Variants in PPP1R3B observed in about 807,000 individuals in gnomAD.
PPP1R3B encodes the protein protein phosphatase 1 regulatory subunit 3B.
In PPP1R3B, 8 loss-of-function variants were observed where a neutral mutation model predicts 14.6. That is an observed-to-expected ratio of 0.55 (90% CI 0.32 to 0.99). The LOEUF is 0.99. Ranked by LOEUF, PPP1R3B falls within the 50% of genes least tolerant of loss-of-function variation. PPP1R3B has a pLI of 0.04. For synonymous variants in PPP1R3B, 169 were observed against 142.0 expected (o/e 1.19, Z -1.35); for missense variants, 452 against 360.1 (o/e 1.26, Z -2.07).
rs141460324 is a variant in PPP1R3B at position 9,141,175 on chromosome 8, G to A, written c.477C>T (p.Thr159=). Residue 159 remains threonine, a synonymous_variant, in exon 2 of 2, where the codon ACC becomes ACT. Transcript: ENST00000310455. ...TGTCGAACGTCATCCTTATTTTCACGGTCTTCTCAAATGCGAGGTTCTGAA... is the reference window on the plus strand; with the variant it reads ...TGTCGAACGTCATCCTTATTTTCACAGTCTTCTCAAATGCGAGGTTCTGAA... The part of the protein sequence containing the change: ...VKVQNLAFEK[T]VKIRMTFDTW... The A allele has an allele frequency of 3.2e-5, 51 of 1,613,996 alleles. No individual in the cohort carries two copies. Among genetic ancestry groups the A allele is most frequent in the Middle Eastern group, 3.3e-4 (2 of 6,084 alleles).
At position 9,136,258 on chromosome 8, in the gene PPP1R3B, T is replaced by A. The variant is rs1201609540; in HGVS notation, c.*4536A>T. The A allele has an allele frequency of 1.3e-5, 2 of 152,260 alleles. No homozygotes were observed. Among genetic ancestry groups the A allele is most frequent in the Non-Finnish European group, 2.9e-5 (2 of 68,052 alleles). The allele number at this position is 152,260 out of a possible 1,614,324, so 9.4% of individuals were successfully genotyped here. ...AAGAATAGAAGGACACTTTCAGTTT[T>A]GTTTTGTCTTCCTTTATTACATTTT... On this transcript the variant is annotated 3_prime_UTR_variant, in exon 2 of 2. Coordinates refer to ENST00000310455, the MANE Select transcript of PPP1R3B (RefSeq NM_024607.4).
chr8:9,147,974 T>G (rs1416043179), intron 1 of PPP1R3B, among the ~76,000 whole-genome samples: 1 of 152,132 alleles, frequency 6.6e-6, no homozygotes, highest in African/African-American at 2.4e-5. Flanking sequence ...GTGAGGACAT[T>G]AACCTGTGTG....
Position 9,136,949 on chromosome 8 carries a change from TAC to T in PPP1R3B, c.*3843_*3844del, listed in dbSNP as rs1800908334. On this transcript the variant is annotated 3_prime_UTR_variant, in exon 2 of 2. Coordinates refer to ENST00000310455, the MANE Select transcript of PPP1R3B (RefSeq NM_024607.4). Reference sequence around the variant, plus strand: ...ATATGGCCCATTTAATGTCCATGACTACAACTAATGCCTTTTTTCAAAAAGAA... The same window carrying T: ...ATATGGCCCATTTAATGTCCATGACTAACTAATGCCTTTTTTCAAAAAGAA... The T allele has an allele frequency of 6.6e-6, 1 of 152,224 alleles. No individual in the cohort carries two copies. The highest frequency in any genetic ancestry group is 2.4e-5 in the African/African-American group (1 of 41,464). 9.4% of individuals were successfully genotyped at this position (152,224 alleles called of 1,614,324 possible).
rs1585339723 is a variant in PPP1R3B at position 9,141,672 on chromosome 8, G to A, written c.-17-4C>T. The A allele has an allele frequency of 1.2e-6, 2 of 1,603,172 alleles. No individual in the cohort carries two copies. Among genetic ancestry groups the A allele is most frequent in the Non-Finnish European group, 1.7e-6 (2 of 1,172,246 alleles). On this transcript the variant is annotated splice_polypyrimidine_tract_variant and splice_region_variant and intron_variant, in intron 1 of 1. Coordinates refer to ENST00000310455, the MANE Select transcript of PPP1R3B (RefSeq NM_024607.4). ...ATCATGGGGCTAGATGAACAGGCTA[G>A]AACCGTGGAAAGGGAAGAGAAGAAA...
intron 1 of PPP1R3B, among the ~76,000 whole-genome samples, chr8:9,150,133 C>T (rs1216676271): frequency 1.3e-5 from 2 of 152,142 alleles, no homozygotes; most frequent in Non-Finnish European, 2.9e-5. Flanking sequence ...GACAACTCTG[C>T]CCAAGGAAAC....
chr8:9,149,688 A>G (rs1030097590), intron 1 of PPP1R3B, among the ~76,000 whole-genome samples: 1 of 152,202 alleles, frequency 6.6e-6, no homozygotes, highest in Non-Finnish European at 1.5e-5. Context: ...GGTTTCACTG[A>G]TCCAGCATGA....
At chr8:9,146,294 C>T (rs1196784636) in intron 1 of PPP1R3B, among the ~76,000 whole-genome samples, 1 of 152,108 alleles carries the variant, frequency 6.6e-6, no homozygotes, top group Non-Finnish European at 1.5e-5. Context: ...AACCTATCTC[C>T]CCTCAACCTA....
At chr8:9,151,514 C>G (rs1801434079), upstream of PPP1R3B, 1 of 188,662 alleles carries the variant, frequency 5.3e-6, no homozygotes, top group Non-Finnish European at 1.1e-5. Flanking sequence ...CGGTCACCTC[C>G]TCCCTCCAGC....
At chr8:9,149,299 C>G (rs922551961) in intron 1 of PPP1R3B, among the ~76,000 whole-genome samples, 16 of 148,008 alleles carry the variant, frequency 1.1e-4, no homozygotes, top group Admixed American at 2.7e-4. Context: ...AGGAGATCGA[C>G]ACCATCCTGG....
chr8:9,147,019 G>A (rs765493038), intron 1 of PPP1R3B, among the ~76,000 whole-genome samples: 12 of 150,258 alleles, frequency 8.0e-5, no homozygotes, highest in African/African-American at 2.0e-4. Flanking sequence ...GTCTTGCTCT[G>A]TTGCCCAGGC....
chr8:9,141,564 GC>G lies in PPP1R3B; in HGVS notation c.87del (p.Lys29AsnfsTer6). 6.2e-7 allele frequency: 1 copy of G among 1,614,146 alleles called. No homozygotes were observed. The highest frequency in any genetic ancestry group is 8.5e-7 in the Non-Finnish European group (1 of 1,180,036). Reference sequence around the variant, plus strand: ...ATACAAGGCCTCAGTGGTTTGCTGGGCTTTGGTGAGATCTTAAAGGCAAACC... The same window carrying G: ...ATACAAGGCCTCAGTGGTTTGCTGGGTTTGGTGAGATCTTAAAGGCAAACC... Reference protein sequence around the residue: ...QERFAFKISPKPSKPLRPCIQ... With the variant: ...QERFAFKISPXPSKPLRPCIQ... On this transcript the variant is annotated frameshift_variant, in exon 2 of 2. Coordinates refer to ENST00000310455, the MANE Select transcript of PPP1R3B (RefSeq NM_024607.4). LOFTEE classifies it high-confidence loss of function.
upstream of PPP1R3B, chr8:9,151,214 C>T (rs1239717683): frequency 3.3e-5 from 5 of 152,556 alleles, no homozygotes; most frequent in Non-Finnish European, 7.3e-5. Context: ...TAGAGTGTTC[C>T]AGCCCCGGTG....
Position 9,141,361 on chromosome 8 carries a change from G to T in PPP1R3B, c.291C>A (p.Asp97Glu), listed in dbSNP as rs754873298. 3 of 1,614,208 alleles carry T rather than the reference G, an allele frequency of 1.9e-6. No homozygotes were observed. Among genetic ancestry groups the T allele is most frequent in the Non-Finnish European group, 2.5e-6 (3 of 1,180,030 alleles). ...CTGCTGTCGTCAAGCTCACAATGTTGTCTAGGAGCTCGGTGATGTTGAATG... is the reference window on the plus strand; with the variant it reads ...CTGCTGTCGTCAAGCTCACAATGTTTTCTAGGAGCTCGGTGATGTTGAATG... The part of the protein sequence containing the change: ...DMPFNITELL[D>E]NIVSLTTAES... The change falls in exon 2 of 2, where the codon GAC (aspartate) becomes GAA (glutamate). Residue 97 changes from aspartate to glutamate, a missense_variant. By Grantham distance (45) the Asp-to-Glu change is conservative. Coordinates refer to ENST00000310455, the MANE Select transcript of PPP1R3B (RefSeq NM_024607.4).
In PPP1R3B at chr8:9,140,805, G is replaced by T. The variant is rs1801049642; in HGVS notation, c.847C>A (p.Pro283Thr). ...PSYLGYEKLGPYY is the reference protein window; with the variant it reads ...PSYLGYEKLGTYY ...GTCACCTGCAGTCACTAGTAGTAGG[G>T]CCCTAGCTTTTCATATCCTAAGTAA... is the stretch of plus-strand genomic sequence containing the variant. The change falls in exon 2 of 2, where the codon CCC becomes ACC. Residue 283 changes from proline (P) to threonine (T), a missense_variant. Coordinates refer to ENST00000310455, the MANE Select transcript of PPP1R3B (RefSeq NM_024607.4). 3.1e-6 allele frequency: 5 copies of T among 1,613,814 alleles called. No homozygotes were observed. Among genetic ancestry groups the T allele is most frequent in the African/African-American group, 1.3e-5 (1 of 74,876 alleles).
Position 9,141,570 on chromosome 8 carries a change from G to A in PPP1R3B, c.82C>T (p.Pro28Ser), listed in dbSNP as rs1801091027. 2 of 1,613,988 alleles carry A rather than the reference G, an allele frequency of 1.2e-6. No individual in the cohort carries two copies. Among genetic ancestry groups the A allele is most frequent in the African/African-American group, 2.7e-5 (2 of 74,884 alleles). ...RQERFAFKIS[P>S]KPSKPLRPCI... The stretch of plus-strand genomic sequence containing the variant: ...GGCCTCAGTGGTTTGCTGGGCTTTG[G>A]TGAGATCTTAAAGGCAAACCTCTCT... The change falls in exon 2 of 2, where the codon CCA becomes TCA. Residue 28 changes from proline (P) to serine (S), a missense_variant. Coordinates refer to ENST00000310455, the MANE Select transcript of PPP1R3B (RefSeq NM_024607.4).
chr8:9,146,097 G>A (rs1801232272), intron 1 of PPP1R3B, among the ~76,000 whole-genome samples: 1 of 152,148 alleles, frequency 6.6e-6, no homozygotes, highest in Admixed American at 6.5e-5. Flanking sequence ...TCAAACTCCT[G>A]AGCTCAAGCA....
At position 9,141,343 on chromosome 8, in the gene PPP1R3B, C is replaced by T. The variant is rs530995145; in HGVS notation, c.309G>A (p.Thr103=). The part of the protein sequence containing the change: ...TELLDNIVSL[T]TAESESFVLD... ...GAACAAAGCTCTCGCTCTCTGCTGT[C>T]GTCAAGCTCACAATGTTGTCTAGGA... The change falls in exon 2 of 2, where the codon ACG becomes ACA. Residue 103 remains threonine, a synonymous_variant. Transcript: ENST00000310455. 1.1e-5 allele frequency: 17 copies of T among 1,614,190 alleles called. No individual in the cohort carries two copies. Among genetic ancestry groups the T allele is most frequent in the South Asian group, 6.6e-5 (6 of 91,068 alleles).
At chr8:9,146,421 A>C (rs900450622) in intron 1 of PPP1R3B, among the ~76,000 whole-genome samples, 1 of 152,146 alleles carries the variant, frequency 6.6e-6, no homozygotes, top group African/African-American at 2.4e-5. Flanking sequence ...TGTCTTCTGT[A>C]AAGAGCTGGG....
rs1801039229 is a variant in PPP1R3B, at chr8:9,140,557, CCA to C, written c.*235_*236del. ...AGACGTGCACAGACTCTCGTGGCTG[CCA>C]CAGTGCGAAAGCGCGCCAGCCACCA... On this transcript the variant is annotated 3_prime_UTR_variant, in exon 2 of 2. Transcript: ENST00000310455. The C allele has an allele frequency of 3.5e-6, 2 of 566,450 alleles. No homozygotes were observed. The highest frequency in any genetic ancestry group is 4.1e-5 in the African/African-American group (2 of 48,336). 35.1% of individuals were successfully genotyped at this position (566,450 alleles called of 1,614,324 possible). A position where few individuals can be genotyped will look rare whatever the true frequency, so the allele number is the denominator to read the frequency against.
Sources: allele counts gnomAD v4.1 joint callset (sites outside exome capture counted in the v4.1 genomes callset), GRCh38; gene constraint gnomAD v4.1.1; transcripts MANE v1.5; gene names NCBI Gene and HGNC (gene_info 2026-07-23, HGNC 2026-07-21).